The following STX8 variants were observed in gnomAD, a reference collection of about 807,000 sequenced individuals.
The protein encoded by STX8 is syntaxin-8.
In STX8, 23 loss-of-function variants were observed where a neutral mutation model predicts 37.5. That is an observed-to-expected ratio of 0.61 (90% CI 0.44 to 0.87). STX8 has a LOEUF of 0.87. Among genes scored for constraint, STX8 ranks in the 40% least tolerant of loss-of-function variants. The probability of loss-of-function intolerance (pLI) is 0.00; values close to 1 mark genes in which losing one functional copy is unlikely to be tolerated. For missense variants in STX8, 313 were observed against 284.7 expected, an observed-to-expected ratio of 1.10 and a Z score of -0.71; for synonymous variants, 115 against 99.1, an observed-to-expected ratio of 1.16 and a Z score of -0.95.
intron 6 of STX8, among the ~76,000 whole-genome samples, chr17:9,415,364 T>C (rs1913149018): frequency 6.6e-6 from 1 of 152,150 alleles, no homozygotes; most frequent in South Asian, 2.1e-4. Flanking sequence ...TGCACCTTTC[T>C]TTCATTAACA....
intron 4 of STX8, among the ~76,000 whole-genome samples, chr17:9,543,926 G>GC (rs1435732425): frequency 3.3e-5 from 5 of 152,114 alleles, no homozygotes; most frequent in Non-Finnish European, 7.4e-5. Flanking sequence ...TGAGAAGACT[G>GC]GAACCCACAG....
Position 9,378,757 on chromosome 17 carries a change from G to A in STX8, c.542-104C>T, listed in dbSNP as rs761322011. ...CCTAGCAATAATGATCTCGAGTGCAGTAACTGAAAAGGTACAGAACTCATG... is the reference window on the plus strand; with the variant it reads ...CCTAGCAATAATGATCTCGAGTGCAATAACTGAAAAGGTACAGAACTCATG... On this transcript the variant is annotated intron_variant, in intron 6 of 7. Transcript: ENST00000306357. 7 of 848,616 alleles carry A rather than the reference G, an allele frequency of 8.2e-6. No homozygotes were observed. The East Asian group carries it at 1.0e-4, about 12-fold the overall frequency. The allele number at this position is 848,616 out of a possible 1,614,324, so 52.6% of individuals were successfully genotyped here.
At chr17:9,502,276 C>T (rs1355995083) in intron 5 of STX8, among the ~76,000 whole-genome samples, 1 of 152,066 alleles carries the variant, frequency 6.6e-6, no homozygotes, top group East Asian at 1.9e-4. Flanking sequence ...AAGCAGAGAG[C>T]AGAGGAGTGG....
intron 6 of STX8, among the ~76,000 whole-genome samples, chr17:9,379,272 C>T (rs1052462850): frequency 8.8e-5 from 13 of 147,080 alleles, no homozygotes; most frequent in African/African-American, 1.7e-4. Flanking sequence ...AAGGAACAGA[C>T]GGCACAGTAG....
In STX8 at chr17:9,271,425, C is replaced by G. The variant is rs182536854; in HGVS notation, c.644-20780G>C. ...GCCGAGATGCGCCTTTGCACTCTAG[C>G]CTGGGTGACAGAGTGAGACCCTGTC... On this transcript the variant is annotated intron_variant, in intron 7 of 7. Coordinates refer to ENST00000306357, the MANE Select transcript of STX8 (RefSeq NM_004853.3). 2.1e-3 allele frequency among the ~76,000 whole-genome samples: 317 copies of G among 152,084 alleles called. 2 individuals are homozygous for G. The highest frequency in any genetic ancestry group is 6.4e-3 in the African/African-American group (266 of 41,498).
intron 4 of STX8, among the ~76,000 whole-genome samples, chr17:9,521,986 T>C (rs1005969572): frequency 3.9e-5 from 6 of 152,172 alleles, no homozygotes; most frequent in Admixed American, 3.9e-4. Context: ...ATGAAAACCT[T>C]GATGAAACAG....
intron 6 of STX8, among the ~76,000 whole-genome samples, chr17:9,400,609 T>C (rs1302690687): frequency 3.3e-5 from 5 of 152,014 alleles, no homozygotes; most frequent in Non-Finnish European, 7.4e-5. Context: ...TTCACCATGT[T>C]GGTCAGGCTG....
At chr17:9,251,082 T>C (rs1276484655) in intron 7 of STX8, among the ~76,000 whole-genome samples, 1 of 152,264 alleles carries the variant, frequency 6.6e-6, no homozygotes, top group African/African-American at 2.4e-5. Context: ...TCACTTTGTG[T>C]TCTTGAGTCC....
intron 7 of STX8, among the ~76,000 whole-genome samples, chr17:9,357,449 G>A (rs921106728): frequency 7.9e-5 from 12 of 151,958 alleles, no homozygotes; most frequent in Admixed American, 5.9e-4. Flanking sequence ...CAGCACTTTG[G>A]GAGGCCAAGG....
At chr17:9,265,478 C>T (rs1393621548) in intron 7 of STX8, among the ~76,000 whole-genome samples, 1 of 152,266 alleles carries the variant, frequency 6.6e-6, no homozygotes, top group Non-Finnish European at 1.5e-5. Flanking sequence ...CCCCTGCCAC[C>T]ACAGTGCTTC....
intron 7 of STX8, among the ~76,000 whole-genome samples, chr17:9,309,359 T>A (rs1227278122): frequency 3.3e-5 from 5 of 152,218 alleles, no homozygotes; most frequent in Non-Finnish European, 5.9e-5. Flanking sequence ...CTCAGGCTGC[T>A]ACAATTAACT....
intron 6 of STX8, among the ~76,000 whole-genome samples, chr17:9,482,819 C>G (rs552664973): frequency 6.6e-6 from 1 of 152,080 alleles, no homozygotes; most frequent in African/African-American, 2.4e-5. Flanking sequence ...GAGGCTGAGG[C>G]AGAAGAATGG....
At chr17:9,478,874 C>G (rs568254135) in intron 6 of STX8, among the ~76,000 whole-genome samples, 1 of 152,326 alleles carries the variant, frequency 6.6e-6, no homozygotes, top group South Asian at 2.1e-4. Context: ...TCCCTTCGGC[C>G]CATTCCTGAA....
chr17:9,568,362 T>C lies in STX8; in HGVS notation c.117+9A>G, dbSNP rs746014505. 5.1e-5 allele frequency: 82 copies of C among 1,602,384 alleles called. 3 individuals carry two copies. The South Asian group carries it at 8.3e-4, about 16-fold the overall frequency. On this transcript the variant is annotated intron_variant, in intron 2 of 7. Transcript: ENST00000306357. ...AAATCATTGGGTACTAATTCCTTCA[T>C]GGTATTACCTTTGGTGCCTTTTCAC...
intron 4 of STX8, among the ~76,000 whole-genome samples, chr17:9,513,166 A>C (rs1905068755): frequency 6.6e-6 from 1 of 152,168 alleles, no homozygotes; most frequent in South Asian, 2.1e-4. Flanking sequence ...GGAACTCAAA[A>C]TATCTCAATG....
chr17:9,267,996 GAA>G (rs34300236), intron 7 of STX8, among the ~76,000 whole-genome samples: 2,528 of 121,276 alleles, frequency 0.021, 42 homozygotes, highest in African/African-American at 0.051. Context: ...TGCCTAAAAA[GAA>G]AAAAAAAAAA....
At chr17:9,474,919 C>A (rs1906036458) in intron 6 of STX8, among the ~76,000 whole-genome samples, 1 of 152,156 alleles carries the variant, frequency 6.6e-6, no homozygotes, top group African/African-American at 2.4e-5. Context: ...TTGCAGTGAG[C>A]TGATATCATG....
chr17:9,566,932 T>C (rs559105369), intron 2 of STX8, among the ~76,000 whole-genome samples: 1 of 152,280 alleles, frequency 6.6e-6, no homozygotes, highest in South Asian at 2.1e-4. Flanking sequence ...CTATGGAATA[T>C]TATGCCGCCA....
At chr17:9,316,810 G>A (rs1392737883) in intron 7 of STX8, among the ~76,000 whole-genome samples, 1 of 152,196 alleles carries the variant, frequency 6.6e-6, no homozygotes, top group Admixed American at 6.5e-5. Flanking sequence ...GACATTTGAA[G>A]TAGGGGACAG....
Sources: gnomAD v4.1 joint callset for allele counts (sites outside exome capture counted in the v4.1 genomes callset) on GRCh38, gnomAD v4.1.1 for gene constraint, MANE v1.5 for transcripts, NCBI Gene and HGNC (gene_info 2026-07-23, HGNC 2026-07-21) for gene names.